The following IL16 variants were observed in gnomAD, a reference collection of about 807,000 sequenced individuals.
IL16 encodes the protein pro-interleukin-16.
Under a neutral mutation model 110.1 loss-of-function variants are expected in IL16, and 67 were observed. The observed-to-expected ratio is 0.61, with a 90% confidence interval of 0.50 to 0.75. The LOEUF is 0.75. Among genes scored for constraint, IL16 ranks in the 30% least tolerant of loss-of-function variants. IL16 has a pLI of 0.00. For synonymous variants in IL16, 689 were observed against 662.9 expected, an observed-to-expected ratio of 1.04 and a Z score of -0.61; for missense variants, 1,545 against 1,655.0, an observed-to-expected ratio of 0.93 and a Z score of 1.15.
intron 1 of IL16, among the ~76,000 whole-genome samples, chr15:81,207,230 T>A (rs1896056374): frequency 7.6e-6 from 1 of 132,208 alleles, no homozygotes; most frequent in African/African-American, 3.1e-5. Flanking sequence ...AGAGTCAGAC[T>A]CTGTCTCAAA....
At chr15:81,249,960 T>A (rs940987121) in intron 2 of IL16, among the ~76,000 whole-genome samples, 6 of 152,210 alleles carry the variant, frequency 3.9e-5, no homozygotes, top group African/African-American at 1.4e-4. Context: ...ATCTATTTAA[T>A]TTTTAATATG....
intron 8 of IL16, among the ~76,000 whole-genome samples, chr15:81,281,280 G>A (rs370976914): frequency 5.3e-5 from 8 of 152,318 alleles, no homozygotes; most frequent in South Asian, 4.1e-4. Context: ...CATACGTGTC[G>A]AAAGAAAACT....
At position 81,306,463 on chromosome 15, in the gene IL16, G is replaced by A. The variant is rs377484889; in HGVS notation, c.3723G>A (p.Ser1241=). 92 of 1,613,932 alleles carry A rather than the reference G, an allele frequency of 5.7e-5. No homozygotes were observed. The highest frequency in any genetic ancestry group is 6.4e-5 in the Non-Finnish European group (75 of 1,180,022). Residue 1241 remains serine, a synonymous_variant, in exon 18 of 19, where the codon TCG becomes TCA. Coordinates refer to ENST00000683961, the MANE Select transcript of IL16 (RefSeq NM_172217.5). ...GCACGGTGACACTGGAGAAGATGTC[G>A]GCAGGGCTGGGCTTCAGCCTGGAAG... is the stretch of plus-strand genomic sequence containing the variant. ...TVCTVTLEKM[S]AGLGFSLEGG... is the part of the protein sequence containing the mutation.
At chr15:81,212,663 G>A (rs139359332) in intron 1 of IL16, among the ~76,000 whole-genome samples, 9,523 of 151,862 alleles carry the variant, frequency 0.063, 547 homozygotes, top group South Asian at 0.28. Context: ...GTAGAGATGG[G>A]GTTTCACTAT....
chr15:81,249,066 G>A (rs7174055), intron 2 of IL16, among the ~76,000 whole-genome samples: 8,317 of 152,064 alleles, frequency 0.055, 829 homozygotes, highest in African/African-American at 0.19. Context: ...AATTTGGCAT[G>A]TATATGAAGG....
chr15:81,270,551 G>A (rs900018209), intron 5 of IL16, among the ~76,000 whole-genome samples: 4 of 152,200 alleles, frequency 2.6e-5, no homozygotes, highest in Admixed American at 6.5e-5. Flanking sequence ...ATGCTGGGAC[G>A]AATGCTCCTC....
At chr15:81,230,309 T>C (rs1896927843) in intron 2 of IL16, among the ~76,000 whole-genome samples, 1 of 152,184 alleles carries the variant, frequency 6.6e-6, no homozygotes, top group South Asian at 2.1e-4. Flanking sequence ...GGGAAGAGTA[T>C]TTTTAAATGC....
Position 81,258,365 on chromosome 15 carries a change from T to C in IL16, c.313-1407T>C, listed in dbSNP as rs976057987. ...AATATACTGCTTACATACTCAATACTATAAAATATTTTCTAAATTATTAGT... is the reference window on the plus strand; with the variant it reads ...AATATACTGCTTACATACTCAATACCATAAAATATTTTCTAAATTATTAGT... On this transcript the variant is annotated intron_variant, in intron 2 of 18. Transcript: ENST00000683961. 1.3e-5 allele frequency among the ~76,000 whole-genome samples: 2 copies of C among 152,156 alleles called. 1 individual carries two copies. Among genetic ancestry groups the C allele is most frequent in the Admixed American group, 1.3e-4 (2 of 15,282 alleles).
intron 2 of IL16, among the ~76,000 whole-genome samples, chr15:81,257,515 G>A (rs1897990409): frequency 6.6e-6 from 1 of 152,206 alleles, no homozygotes; most frequent in South Asian, 2.1e-4. Flanking sequence ...ATTGGATTGA[G>A]GGAAGGGCTC....
chr15:81,305,333 G>A lies in IL16; in HGVS notation c.3421-575G>A, dbSNP rs1280159007. 2.6e-5 allele frequency among the ~76,000 whole-genome samples: 4 copies of A among 152,202 alleles called. No homozygotes were observed. The East Asian group carries it at 7.7e-4, about 29-fold the overall frequency. ...AAAAGTAGACAATGTCAGAGCTTTT[G>A]TTTCACCCAGTATTCCTCAAGTTTC... On this transcript the variant is annotated intron_variant, in intron 16 of 18. Transcript: ENST00000683961.
At chr15:81,297,392 GCTACC>G (rs1336084075) in intron 13 of IL16, among the ~76,000 whole-genome samples, 1 of 152,158 alleles carries the variant, frequency 6.6e-6, no homozygotes, top group Non-Finnish European at 1.5e-5. Context: ...ATCCTGGGCA[GCTACC>G]TCTAGGGTGC....
chr15:81,238,061 G>A (rs1200872099), intron 2 of IL16, among the ~76,000 whole-genome samples: 1 of 151,940 alleles, frequency 6.6e-6, no homozygotes, highest in Non-Finnish European at 1.5e-5. Flanking sequence ...CTGCCACCAA[G>A]CCTGGCTAAT....
At chr15:81,199,029 AAATAT>A (rs1401583288) in intron 1 of IL16, among the ~76,000 whole-genome samples, 6 of 101,430 alleles carry the variant, frequency 5.9e-5, no homozygotes, top group African/African-American at 2.9e-4. Context: ...CAAAAAAAAA[AAATAT>A]ATATATATAT....
rs774745950 is a variant in IL16 at position 81,310,650 on chromosome 15, T to A, written c.*1852T>A. ...GAGGCCACGTGATGTGGAGGGCACA[T>A]TCCTTGCCTGCACAAACTCACCATC... On this transcript the variant is annotated 3_prime_UTR_variant, in exon 19 of 19. Coordinates refer to ENST00000683961, the MANE Select transcript of IL16 (RefSeq NM_172217.5). The A allele has an allele frequency of 6.6e-6, 1 of 152,188 alleles. No individual in the cohort carries two copies. Among genetic ancestry groups the A allele is most frequent in the Non-Finnish European group, 1.5e-5 (1 of 68,046 alleles). 9.4% of individuals were successfully genotyped at this position (152,188 alleles called of 1,614,324 possible).
chr15:81,251,966 G>A (rs1052000866), intron 2 of IL16, among the ~76,000 whole-genome samples: 1 of 152,096 alleles, frequency 6.6e-6, no homozygotes, highest in Non-Finnish European at 1.5e-5. Context: ...AAGATGAAGA[G>A]CAATGAAAAA....
At chr15:81,302,623 C>T (rs1487437127) in intron 15 of IL16, among the ~76,000 whole-genome samples, 2 of 152,140 alleles carry the variant, frequency 1.3e-5, no homozygotes, top group African/African-American at 4.8e-5. Context: ...TGACGCTGAG[C>T]AAGTGAATTC....
At position 81,203,766 on chromosome 15, in the gene IL16, A is replaced by G. The variant is rs1231469388; in HGVS notation, c.-102+6614A>G. Among the ~76,000 whole-genome samples, 241 of 152,152 alleles carry G rather than the reference A, an allele frequency of 1.6e-3. 1 individual carries two copies. Among genetic ancestry groups the G allele is most frequent in the Non-Finnish European group, 2.5e-3 (167 of 67,998 alleles). On this transcript the variant is annotated intron_variant, in intron 1 of 18. Coordinates refer to ENST00000683961, the MANE Select transcript of IL16 (RefSeq NM_172217.5). ...GAAGTCAGGTAGCGTGATGCCTCCA[A>G]CTTTGTTCTTTTGGCTTAGGATTGA...
chr15:81,247,454 A>C (rs1567017169), intron 2 of IL16, among the ~76,000 whole-genome samples: 1 of 152,160 alleles, frequency 6.6e-6, no homozygotes, highest in African/African-American at 2.4e-5. Context: ...TTGATTTTCA[A>C]ATATGTAGTT....
intron 3 of IL16, among the ~76,000 whole-genome samples, 157 bp from the exon 4 acceptor site, chr15:81,265,502 C>A (rs996655817): frequency 6.6e-6 from 1 of 152,116 alleles, no homozygotes; most frequent in Admixed American, 6.5e-5. Context: ...TCATGTCTTC[C>A]GCGGCCACCT....
Sources: allele counts gnomAD v4.1 joint callset (sites outside exome capture counted in the v4.1 genomes callset), GRCh38; gene constraint gnomAD v4.1.1; transcripts MANE v1.5; gene names NCBI Gene and HGNC (gene_info 2026-07-23, HGNC 2026-07-21).